Variants in SLC7A9 observed in about 807,000 individuals in gnomAD.
The protein encoded by SLC7A9 is B(0,+)-type amino acid transporter 1.
Under a neutral mutation model 54.1 loss-of-function variants are expected in SLC7A9, and 38 were observed. That is an observed-to-expected ratio of 0.70 (90% confidence interval 0.54 to 0.92). SLC7A9 has a LOEUF of 0.92. Ranked by LOEUF, SLC7A9 falls within the 40% of genes least tolerant of loss-of-function variation. The pLI is 0.00. For synonymous variants in SLC7A9, 264 were observed against 258.9 expected (o/e 1.02, Z -0.19); for missense variants, 537 against 636.1 (o/e 0.84, Z 1.68).
intron 1 of SLC7A9, among the ~76,000 whole-genome samples, chr19:32,869,424 G>C (rs967854254): frequency 3.9e-5 from 6 of 151,988 alleles, no homozygotes; most frequent in African/African-American, 1.5e-4. Context: ...CGGGAGTGTT[G>C]CTATTTGCCC....
chr19:32,834,294 A>G (rs754254018), intron 11 of SLC7A9, among the ~76,000 whole-genome samples: 45 of 152,126 alleles, frequency 3.0e-4, no homozygotes, highest in African/African-American at 9.4e-4. Flanking sequence ...CCATTTCTCC[A>G]GAGAGCTTTG....
At position 32,830,708 on chromosome 19, in the gene SLC7A9, TAC is replaced by T. The variant is rs773885696; in HGVS notation, c.1400-26_1400-25del. Reference sequence around the variant, plus strand: ...CTCTGAAATAAGAGTCAAAAATGAGTACAGTTAGTTAGACTGAAATTCGAAAG... The same window carrying T: ...CTCTGAAATAAGAGTCAAAAATGAGTAGTTAGTTAGACTGAAATTCGAAAG... On this transcript the variant is annotated intron_variant, in intron 12 of 12. Transcript: ENST00000023064. 757 of 1,591,102 alleles carry T rather than the reference TAC, an allele frequency of 4.8e-4. 5 individuals carry two copies. Among genetic ancestry groups the T allele is most frequent in the Non-Finnish European group, 1.1e-4 (124 of 1,159,550 alleles).
At chr19:32,838,272 T>C (rs1968021077) in intron 11 of SLC7A9, among the ~76,000 whole-genome samples, 1 of 152,154 alleles carries the variant, frequency 6.6e-6, no homozygotes, top group African/African-American at 2.4e-5. Flanking sequence ...ATTTTAATTA[T>C]TTCATGTATT....
chr19:32,840,093 C>T (rs1340357187), intron 11 of SLC7A9, among the ~76,000 whole-genome samples: 1 of 151,264 alleles, frequency 6.6e-6, no homozygotes, highest in Non-Finnish European at 1.5e-5. Flanking sequence ...TCTCTCAAAC[C>T]CTTTCTACTT....
At chr19:32,834,415 A>C (rs1480873728) in intron 11 of SLC7A9, among the ~76,000 whole-genome samples, 3 of 152,102 alleles carry the variant, frequency 2.0e-5, no homozygotes, top group Non-Finnish European at 2.9e-5. Context: ...AGATCACTTG[A>C]GTCTAGGAGT....
At chr19:32,834,367 C>T (rs1967894231) in intron 11 of SLC7A9, among the ~76,000 whole-genome samples, 1 of 152,140 alleles carries the variant, frequency 6.6e-6, no homozygotes, top group African/African-American at 2.4e-5. Context: ...CAGTGGTTCG[C>T]TCCTGTAATC....
Position 32,843,864 on chromosome 19 carries a change from G to A in SLC7A9, c.1065C>T (p.Ile355=), listed in dbSNP as rs760709256. The change falls in exon 10 of 13, where the codon ATC becomes ATT. Residue 355 remains isoleucine, a synonymous_variant. Transcript: ENST00000023064. ...SVRRLTPAPA[I]IFYGIIATIY... is the part of the protein sequence containing the mutation. ...CGGGATTTGTACTCACATAAAAGAT[G>A]ATGGCGGGGGCTGGAGTGAGGCGCC... 2 of 1,612,806 alleles carry A rather than the reference G, an allele frequency of 1.2e-6. No homozygotes were observed. The highest frequency in any genetic ancestry group is 3.3e-5 in the Admixed American group (2 of 60,004).
chr19:32,842,095 A>G, intron 11 of SLC7A9, 73 bp downstream of exon 11: 2 of 1,438,200 alleles, frequency 1.4e-6, no homozygotes, highest in African/African-American at 1.4e-5. Context: ...GCATGCCCCT[A>G]GCATTTGAAA....
Position 32,864,234 on chromosome 19 carries a change from A to G in SLC7A9, c.340T>C (p.Trp114Arg). 1 of 1,614,208 alleles carries G rather than the reference A, an allele frequency of 6.2e-7. No individual in the cohort carries two copies. The highest frequency in any genetic ancestry group is 8.5e-7 in the Non-Finnish European group (1 of 1,180,014). The change falls in exon 4 of 13, where the codon TGG becomes CGG. Residue 114 changes from tryptophan (W) to arginine (R), a missense_variant. Trp to Arg is a moderately radical substitution (Grantham distance 101). Transcript: ENST00000023064. ...GGCTTAATGACGATCAGGCTGGCCC[A>G]GGAGAAGAGGTAGGCGGGGATGGGC... ...YGPIPAYLFS[W>R]ASLIVIKPTS...
At chr19:32,843,796 A>G in intron 10 of SLC7A9, 59 bp downstream of exon 10, 1 of 1,314,814 alleles carries the variant, frequency 7.6e-7, no homozygotes. Flanking sequence ...CGGGCTTAGC[A>G]CCCCATGGAT....
chr19:32,863,822 G>A (rs1290169658), intron 4 of SLC7A9, among the ~76,000 whole-genome samples: 1 of 152,254 alleles, frequency 6.6e-6, no homozygotes, highest in Non-Finnish European at 1.5e-5. Flanking sequence ...AGCCTCCCGA[G>A]TAGCTGGGAT....
chr19:32,869,237 T>A (rs1214957587), intron 1 of SLC7A9, among the ~76,000 whole-genome samples: 2 of 151,618 alleles, frequency 1.3e-5, no homozygotes, highest in African/African-American at 4.8e-5. Flanking sequence ...AATATATATA[T>A]AAAAAATTAA....
At chr19:32,862,741 C>T (rs956111809) in intron 4 of SLC7A9, 155 bp from the exon 5 acceptor site, 45 of 600,612 alleles carry the variant, frequency 7.5e-5, no homozygotes, top group Admixed American at 2.4e-4. Flanking sequence ...TCTCAGCTCA[C>T]GATCTCAGCA....
chr19:32,845,868 A>G (rs12979191), intron 9 of SLC7A9, among the ~76,000 whole-genome samples: 91,193 of 151,954 alleles, frequency 0.6, 28,470 homozygotes, highest in East Asian at 0.83. Context: ...ATTAGGTGTG[A>G]TGGCAGGTGC....
Position 32,844,857 on chromosome 19 carries a change from C to CAAAAAAAAAAAAAAAAAAAAAAAAAA in SLC7A9, c.978-932_978-907dup, listed in dbSNP as rs386388892. 8.2e-4 allele frequency among the ~76,000 whole-genome samples: 25 copies of CAAAAAAAAAAAAAAAAAAAAAAAAAA among 30,314 alleles called. 5 individuals are homozygous for CAAAAAAAAAAAAAAAAAAAAAAAAAA. The highest frequency in any genetic ancestry group is 1.4e-3 in the Non-Finnish European group (24 of 16,988). The allele number at this position is 30,314 out of a possible 152,430, so 19.9% of individuals were successfully genotyped here. Reference sequence around the variant, plus strand: ...TGGACGACAGAGTGAGAATCCATCTCAAAAAAAAAAAAAAAAAAAAAAAAA... The same window carrying CAAAAAAAAAAAAAAAAAAAAAAAAAA: ...TGGACGACAGAGTGAGAATCCATCTCAAAAAAAAAAAAAAAAAAAAAAAAAAAAAAAAAAAAAAAAAAAAAAAAAAA... On this transcript the variant is annotated intron_variant, in intron 9 of 12. Coordinates refer to ENST00000023064, the MANE Select transcript of SLC7A9 (RefSeq NM_014270.5).
At chr19:32,849,165 G>A (rs1273148088) in intron 9 of SLC7A9, among the ~76,000 whole-genome samples, 3 of 152,032 alleles carry the variant, frequency 2.0e-5, no homozygotes, top group Admixed American at 1.3e-4. Flanking sequence ...GCTAGCAGAA[G>A]GCAAGAAATA....
intron 11 of SLC7A9, among the ~76,000 whole-genome samples, chr19:32,835,899 G>A (rs1054631278): frequency 8.1e-6 from 1 of 123,008 alleles, no homozygotes; most frequent in Non-Finnish European, 1.7e-5. Flanking sequence ...CTGTGTGTGT[G>A]TGTGTGTGTG....
At position 32,864,792 on chromosome 19, in the gene SLC7A9, G is replaced by A; in HGVS notation, c.88-16C>T. 1 of 1,614,006 alleles carries A rather than the reference G, an allele frequency of 6.2e-7. No homozygotes were observed. The highest frequency in any genetic ancestry group is 8.5e-7 in the Non-Finnish European group (1 of 1,180,008). ...TGAGGCCCAGCTGGGTGTGGAGGAA[G>A]GAAGAGGGCGTTAGTGCCACGCCCG... On this transcript the variant is annotated splice_polypyrimidine_tract_variant and intron_variant, in intron 2 of 12. Coordinates refer to ENST00000023064, the MANE Select transcript of SLC7A9 (RefSeq NM_014270.5).
chr19:32,857,764 A>G (rs1163851096), intron 9 of SLC7A9, among the ~76,000 whole-genome samples: 1 of 152,178 alleles, frequency 6.6e-6, no homozygotes, highest in Non-Finnish European at 1.5e-5. Context: ...CTACATCTGA[A>G]AGTGTGATAC....
Sources: gnomAD v4.1 joint callset for allele counts (sites outside exome capture counted in the v4.1 genomes callset) on GRCh38, gnomAD v4.1.1 for gene constraint, MANE v1.5 for transcripts, NCBI Gene and HGNC (gene_info 2026-07-23, HGNC 2026-07-21) for gene names.